Variants in ZNF644 observed in about 807,000 individuals in gnomAD.
The protein encoded by ZNF644 is zinc finger protein 644, also known as zinc finger motif enhancer binding protein 2.
Under a neutral mutation model 108.0 loss-of-function variants are expected in ZNF644, and 20 were observed. The observed-to-expected ratio is 0.19, with a 90% CI of 0.13 to 0.27. The LOEUF (loss-of-function observed/expected upper bound fraction) is 0.27. ZNF644 is among the 10% of genes least tolerant of loss of function. ZNF644 has a pLI of 1.00. For synonymous variants in ZNF644, 542 were observed against 539.1 expected, an observed-to-expected ratio of 1.01 and a Z score of -0.08; for missense variants, 1,338 against 1,548.9, an observed-to-expected ratio of 0.86 and a Z score of 2.29.
At chr1:90,935,842 T>A (rs1405200261) in intron 4 of ZNF644, among the ~76,000 whole-genome samples, 1 of 152,210 alleles carries the variant, frequency 6.6e-6, no homozygotes, top group East Asian at 1.9e-4. Flanking sequence ...CCTACTACAA[T>A]ACAATCCTGT....
chr1:90,957,651 T>C (rs1478669040), intron 2 of ZNF644, among the ~76,000 whole-genome samples: 1 of 152,052 alleles, frequency 6.6e-6, no homozygotes, highest in Non-Finnish European at 1.5e-5. Context: ...ACAAAGAGCA[T>C]AAAAACCCAT....
intron 4 of ZNF644, among the ~76,000 whole-genome samples, chr1:90,933,418 T>C (rs1180913345): frequency 6.6e-6 from 1 of 152,104 alleles, no homozygotes; most frequent in Non-Finnish European, 1.5e-5. Flanking sequence ...TCCCAGCACT[T>C]TGGGAGGCTA....
In ZNF644 at chr1:90,916,542, G is replaced by T; in HGVS notation, c.*256C>A. 2.0e-6 allele frequency: 1 copy of T among 489,826 alleles called. No individual in the cohort carries two copies. The highest frequency in any genetic ancestry group is 3.7e-6 in the Non-Finnish European group (1 of 271,158). The allele number at this position is 489,826 out of a possible 1,614,324, so 30.3% of individuals were successfully genotyped here. On this transcript the variant is annotated 3_prime_UTR_variant, in exon 6 of 6. Coordinates refer to ENST00000337393, the MANE Select transcript of ZNF644 (RefSeq NM_201269.3). Reference sequence around the variant, plus strand: ...ACAGTTTATTAATGGCTGCTTACATGTACTGCTCTTTTACTGAGTGAACAC... The same window carrying T: ...ACAGTTTATTAATGGCTGCTTACATTTACTGCTCTTTTACTGAGTGAACAC...
intron 4 of ZNF644, among the ~76,000 whole-genome samples, chr1:90,925,162 T>C (rs1303043661): frequency 6.6e-6 from 1 of 152,172 alleles, no homozygotes; most frequent in Admixed American, 6.5e-5. Flanking sequence ...CCAGAAAGAC[T>C]GGAGTAGGGG....
At chr1:90,962,245 A>G (rs763860438) in intron 2 of ZNF644, among the ~76,000 whole-genome samples, 26 of 151,614 alleles carry the variant, frequency 1.7e-4, no homozygotes, top group Admixed American at 1.1e-3. Context: ...TAAAGACATT[A>G]TTATTATTAT....
At chr1:90,961,045 A>T (rs540162263) in intron 2 of ZNF644, among the ~76,000 whole-genome samples, 1 of 152,264 alleles carries the variant, frequency 6.6e-6, no homozygotes, top group South Asian at 2.1e-4. Context: ...AAAACAGAAA[A>T]TGGTCACAGA....
At chr1:90,960,728 T>C (rs954000401) in intron 2 of ZNF644, among the ~76,000 whole-genome samples, 3 of 152,092 alleles carry the variant, frequency 2.0e-5, no homozygotes, top group African/African-American at 7.2e-5. Context: ...TAAGACACCC[T>C]AAAGCTCCCT....
At chr1:91,003,197 T>G (rs1361707847) in intron 1 of ZNF644, among the ~76,000 whole-genome samples, 2 of 151,854 alleles carry the variant, frequency 1.3e-5, no homozygotes, top group Non-Finnish European at 2.9e-5. Context: ...ACCCAAAGGA[T>G]TATAAATCAT....
At chr1:90,992,579 C>A (rs1657749463) in intron 1 of ZNF644, among the ~76,000 whole-genome samples, 1 of 152,138 alleles carries the variant, frequency 6.6e-6, no homozygotes, top group African/African-American at 2.4e-5. Context: ...AAAATTTGTA[C>A]CTGCCCCAAT....
chr1:90,966,304 CATT>C (rs1299066740), intron 2 of ZNF644, among the ~76,000 whole-genome samples: 1 of 152,130 alleles, frequency 6.6e-6, no homozygotes, highest in Admixed American at 6.5e-5. Flanking sequence ...ACACCTGATA[CATT>C]ATTATTTGAT....
intron 4 of ZNF644, among the ~76,000 whole-genome samples, chr1:90,925,429 C>T (rs925877730): frequency 3.3e-5 from 5 of 152,058 alleles, no homozygotes; most frequent in Admixed American, 1.3e-4. Flanking sequence ...TCCAGGGCAA[C>T]TTGAACCTAT....
chr1:90,994,949 A>C (rs1658010954), intron 1 of ZNF644, among the ~76,000 whole-genome samples: 1 of 152,172 alleles, frequency 6.6e-6, no homozygotes, highest in Non-Finnish European at 1.5e-5. Flanking sequence ...GGCCCAGGTA[A>C]GTTAACTATC....
chr1:90,983,879 A>C (rs1324847888), intron 1 of ZNF644, among the ~76,000 whole-genome samples: 1 of 152,194 alleles, frequency 6.6e-6, no homozygotes, highest in Admixed American at 6.5e-5. Flanking sequence ...CAATGAGCCA[A>C]GATCACGTCG....
chr1:91,000,330 C>CA (rs1486367311), intron 1 of ZNF644, among the ~76,000 whole-genome samples: 1 of 152,168 alleles, frequency 6.6e-6, no homozygotes, highest in Non-Finnish European at 1.5e-5. Context: ...GAAATTATAA[C>CA]AAACTGTCTC....
Position 90,953,014 on chromosome 1 carries a change from A to G in ZNF644, c.45-11705T>C, listed in dbSNP as rs776076999. On this transcript the variant is annotated intron_variant, in intron 2 of 5. Coordinates refer to ENST00000337393, the MANE Select transcript of ZNF644 (RefSeq NM_201269.3). Reference sequence around the variant, plus strand: ...TAAAGAGACAACAATTAGACTGAGGAAAAAAAAAAAAAAAAAGCAGCTCCC... The same window carrying G: ...TAAAGAGACAACAATTAGACTGAGGGAAAAAAAAAAAAAAAAGCAGCTCCC... 2.2e-3 allele frequency among the ~76,000 whole-genome samples: 204 copies of G among 91,330 alleles called. 2 individuals are homozygous for G. The highest frequency in any genetic ancestry group is 3.9e-3 in the Non-Finnish European group (153 of 39,738). The allele number at this position is 91,330 out of a possible 152,430, so 59.9% of individuals were successfully genotyped here.
In ZNF644 at chr1:90,940,544, C is replaced by A. The variant is rs760193914; in HGVS notation, c.810G>T (p.Met270Ile). 17 of 1,613,580 alleles carry A rather than the reference C, an allele frequency of 1.1e-5. No homozygotes were observed. Among genetic ancestry groups the A allele is most frequent in the African/African-American group, 1.3e-5 (1 of 74,776 alleles). The part of the protein sequence containing the change: ...DPQKEFIQFL[M>I]TNEETVDKAP... ...CTTTATCTACTGTTTCCTCATTAGT[C>A]ATAAGAAATTGAATGAACTCTTTTT... Residue 270 changes from methionine to isoleucine, a missense_variant, in exon 3 of 6, where the codon ATG (methionine) becomes ATT (isoleucine). This residue lies in a region of ZNF644 where 464 missense variants were observed against 457.9 expected (regional missense o/e 1.01). Transcript: ENST00000337393.
chr1:90,953,122 A>G (rs1443723184), intron 2 of ZNF644, among the ~76,000 whole-genome samples: 1 of 152,122 alleles, frequency 6.6e-6, no homozygotes, highest in African/African-American at 2.4e-5. Context: ...AGTATCTCAT[A>G]AAACATCCAT....
At chr1:91,014,214 A>C (rs554530605) in intron 1 of ZNF644, among the ~76,000 whole-genome samples, 43 of 152,276 alleles carry the variant, frequency 2.8e-4, no homozygotes, top group African/African-American at 1.0e-3. Context: ...GTACTCTCCT[A>C]GCAACTTTCA....
intron 1 of ZNF644, among the ~76,000 whole-genome samples, chr1:91,017,667 G>C (rs375929220): frequency 1.8e-4 from 27 of 152,236 alleles, no homozygotes; most frequent in African/African-American, 6.5e-4. Flanking sequence ...AGTTCAAAAA[G>C]GATAGTAACT....
Sources: allele counts gnomAD v4.1 joint callset (sites outside exome capture counted in the v4.1 genomes callset), GRCh38; gene constraint gnomAD v4.1.1; regional missense constraint gnomAD v4.1.1; transcripts MANE v1.5; gene names NCBI Gene and HGNC (gene_info 2026-07-23, HGNC 2026-07-21).